AK7: variants seen among roughly 807,000 people sequenced by gnomAD.
AK7 encodes adenylate kinase 7.
A neutral mutation model predicts 96.6 loss-of-function variants in AK7; 78 were observed. That is an observed-to-expected ratio of 0.81 (90% confidence interval 0.67 to 0.97). The LOEUF is 0.97. Among genes scored for constraint, AK7 ranks in the 50% least tolerant of loss-of-function variants. The pLI is 0.00. For synonymous variants in AK7, 302 were observed against 317.2 expected, an observed-to-expected ratio of 0.95 and a Z score of 0.51; for missense variants, 855 against 887.9, an observed-to-expected ratio of 0.96 and a Z score of 0.47.
chr14:96,471,190 G>A lies in AK7; in HGVS notation c.1358-288G>A, dbSNP rs533567684. On this transcript the variant is annotated intron_variant, in intron 12 of 17. Transcript: ENST00000267584. ...CTACAAAACGTTTAAAAATCAGTGGGGCATGGTGGCAAGCGCCTATAGTCC... is the reference window on the plus strand; with the variant it reads ...CTACAAAACGTTTAAAAATCAGTGGAGCATGGTGGCAAGCGCCTATAGTCC... 2.6e-5 allele frequency among the ~76,000 whole-genome samples: 4 copies of A among 152,022 alleles called. No homozygotes were observed. In the South Asian group the frequency reaches 6.2e-4, roughly 24 times the overall value.
At chr14:96,424,618 G>A (rs1323163891) in intron 5 of AK7, among the ~76,000 whole-genome samples, 1 of 152,044 alleles carries the variant, frequency 6.6e-6, no homozygotes, top group Non-Finnish European at 1.5e-5. Flanking sequence ...ATTACCATAG[G>A]AACTTCGGTC....
chr14:96,420,724 T>C (rs1258821197), intron 4 of AK7, 98 bp from the exon 5 acceptor site: 7 of 855,490 alleles, frequency 8.2e-6, no homozygotes, highest in Non-Finnish European at 1.3e-5. Flanking sequence ...GCGGTAGTTT[T>C]AAGCTTTATT....
intron 1 of AK7, among the ~76,000 whole-genome samples, chr14:96,394,955 AAC>A (rs1889979830): frequency 6.6e-6 from 1 of 152,212 alleles, no homozygotes; most frequent in Admixed American, 6.5e-5. Context: ...CAGCCTGGGC[AAC>A]AGAGTAAAAA....
At chr14:96,424,049 C>T (rs1385512381) in intron 5 of AK7, 6 of 735,610 alleles carry the variant, frequency 8.2e-6, no homozygotes, top group Non-Finnish European at 1.5e-5. Flanking sequence ...AAATCAAGAC[C>T]ATCCCACGAA....
intron 5 of AK7, chr14:96,423,717 A>G (rs1891848653): frequency 2.9e-6 from 2 of 698,742 alleles, no homozygotes; most frequent in Admixed American, 1.8e-5. Flanking sequence ...AGCTGCTCCT[A>G]CAATTTGGGC....
intron 12 of AK7, among the ~76,000 whole-genome samples, chr14:96,470,621 G>C (rs1894830764): frequency 6.6e-6 from 1 of 152,136 alleles, no homozygotes; most frequent in Non-Finnish European, 1.5e-5. Flanking sequence ...GCTGAGGTCA[G>C]AAATGCCAAC....
intron 5 of AK7, chr14:96,424,237 G>A: frequency 9.0e-6 from 4 of 446,528 alleles, no homozygotes; most frequent in South Asian, 2.3e-5. Context: ...AGCGGAGCGC[G>A]CAGCCGGGAG....
chr14:96,424,127 C>G (rs991585597), intron 5 of AK7: 4 of 643,668 alleles, frequency 6.2e-6, no homozygotes, highest in Middle Eastern at 4.3e-4. Flanking sequence ...ACCGCCACCC[C>G]GTGCAGGTGA....
Position 96,413,878 on chromosome 14 carries a change from T to C in AK7, c.498+4937T>C, listed in dbSNP as rs146317468. Among the ~76,000 whole-genome samples the C allele has an allele frequency of 7.8e-3, 1,187 of 152,276 alleles. 18 individuals are homozygous for C. The highest frequency in any genetic ancestry group is 0.046 in the South Asian group (224 of 4,824). On this transcript the variant is annotated intron_variant, in intron 4 of 17. Coordinates refer to ENST00000267584, the MANE Select transcript of AK7 (RefSeq NM_152327.5). ...GCCAGCAGAGCCATGACTTGTTAAG[T>C]TCAAGTGTCCACACTGCCCATGAAA...
intron 1 of AK7, among the ~76,000 whole-genome samples, chr14:96,393,496 G>C (rs577358276): frequency 2.6e-5 from 4 of 152,318 alleles, no homozygotes; most frequent in African/African-American, 9.6e-5. Context: ...GGAAGCTCCA[G>C]GGGAAGAACT....
intron 10 of AK7, 87 bp downstream of exon 10, chr14:96,451,657 C>T (rs1341876327): frequency 3.7e-5 from 47 of 1,264,822 alleles, no homozygotes; most frequent in Non-Finnish European, 4.5e-5. Context: ...GAAGTATTTG[C>T]TTTTTCAGAC....
chr14:96,449,146 A>G (rs763224101), intron 8 of AK7, among the ~76,000 whole-genome samples: 7 of 152,056 alleles, frequency 4.6e-5, no homozygotes, highest in Non-Finnish European at 8.8e-5. Flanking sequence ...CTCAAGACCC[A>G]CTTTCCTAAA....
chr14:96,404,502 G>A (rs1422361512), intron 2 of AK7, among the ~76,000 whole-genome samples: 1 of 152,164 alleles, frequency 6.6e-6, no homozygotes, highest in African/African-American at 2.4e-5. Context: ...TAAACAGCAT[G>A]CAGAAATAGA....
chr14:96,463,126 G>A (rs1894349857), intron 12 of AK7, among the ~76,000 whole-genome samples: 1 of 149,028 alleles, frequency 6.7e-6, no homozygotes, highest in African/African-American at 2.5e-5. Flanking sequence ...AACAGGGCAA[G>A]ACTCCGCCTC....
At position 96,444,002 on chromosome 14, in the gene AK7, C is replaced by G. The variant is rs993892790; in HGVS notation, c.779+1184C>G. Among the ~76,000 whole-genome samples, 5 of 152,222 alleles carry G rather than the reference C, an allele frequency of 3.3e-5. No homozygotes were observed. The South Asian group carries it at 1.0e-3, about 32-fold the overall frequency. ...ATGTTAGCCAGGATGGTCTCCATCT[C>G]CTGACCTCATGATCCACCCGCCTCA... On this transcript the variant is annotated intron_variant, in intron 7 of 17. Coordinates refer to ENST00000267584, the MANE Select transcript of AK7 (RefSeq NM_152327.5).
rs1462924891 is a variant in AK7, at chr14:96,392,178, T to A, written c.24T>A (p.Ala8=). The A allele has an allele frequency of 4.3e-6, 7 of 1,613,424 alleles. No individual in the cohort carries two copies. The Admixed American group carries it at 1.2e-4, about 27-fold the overall frequency. MAEEEET[A]ALTEKVIRTQ... ...CCATGGCTGAAGAAGAGGAAACTGC[T>A]GCTCTCACGGAGAAGGTTATCCGGA... Residue 8 remains alanine, a synonymous_variant, in exon 1 of 18, where the codon GCT becomes GCA. Coordinates refer to ENST00000267584, the MANE Select transcript of AK7 (RefSeq NM_152327.5).
rs2140108496 is a variant in AK7 at position 96,449,755 on chromosome 14, A to G, written c.871-47A>G. The G allele has an allele frequency of 2.0e-6, 3 of 1,464,308 alleles. No homozygotes were observed. The East Asian group carries it at 6.9e-5, about 34-fold the overall frequency. The allele number at this position is 1,464,308 out of a possible 1,614,324, so 90.7% of individuals were successfully genotyped here. ...GGCCCATTTGAGTTTTATATAAAGT[A>G]AAACCTTCCAGGTAAACCAACTAAT... On this transcript the variant is annotated intron_variant, in intron 8 of 17. Coordinates refer to ENST00000267584, the MANE Select transcript of AK7 (RefSeq NM_152327.5).
At chr14:96,408,814 TC>T in intron 3 of AK7, 32 bp from the exon 4 acceptor site, 2 of 1,605,888 alleles carry the variant, frequency 1.2e-6, no homozygotes, top group Non-Finnish European at 1.7e-6. Flanking sequence ...TGTGCATGGG[TC>T]CAAATAACCA....
At chr14:96,485,096 A>G (rs1432760949) in intron 16 of AK7, among the ~76,000 whole-genome samples, 2 of 152,202 alleles carry the variant, frequency 1.3e-5, no homozygotes, top group Non-Finnish European at 2.9e-5. Flanking sequence ...AAACCAGTTT[A>G]TGTATCATCT....
Sources: allele counts gnomAD v4.1 joint callset (sites outside exome capture counted in the v4.1 genomes callset), GRCh38; gene constraint gnomAD v4.1.1; transcripts MANE v1.5; gene names NCBI Gene and HGNC (gene_info 2026-07-23, HGNC 2026-07-21).